CFAP20DC: variants seen among roughly 807,000 people sequenced by gnomAD.
CFAP20DC encodes CFAP20 domain containing.
CFAP20DC carries 84 observed loss-of-function variants against 101.7 expected under a neutral mutation model. That is an observed-to-expected ratio of 0.83 (90% CI 0.69 to 0.99). The LOEUF is 0.99. Ranked by LOEUF, CFAP20DC falls within the 50% of genes least tolerant of loss-of-function variation. The pLI is 0.00. For synonymous variants in CFAP20DC, 359 were observed against 351.2 expected, an observed-to-expected ratio of 1.02 and a Z score of -0.25; for missense variants, 1,007 against 970.3, an observed-to-expected ratio of 1.04 and a Z score of -0.50.
chr3:58,773,569 T>A (rs1304772495), intron 15 of CFAP20DC, among the ~76,000 whole-genome samples: 3 of 151,952 alleles, frequency 2.0e-5, no homozygotes, highest in Non-Finnish European at 4.4e-5. Context: ...AATAAATAAA[T>A]TTTTAAAAAA....
At chr3:58,821,167 G>C (rs1052263082) in intron 14 of CFAP20DC, among the ~76,000 whole-genome samples, 3 of 151,908 alleles carry the variant, frequency 2.0e-5, no homozygotes, top group African/African-American at 7.3e-5. Context: ...AGATTTAAAC[G>C]TTAGACCTAA....
At chr3:58,907,807 A>T (rs1436210886) in intron 6 of CFAP20DC, among the ~76,000 whole-genome samples, 2 of 152,188 alleles carry the variant, frequency 1.3e-5, no homozygotes, top group Non-Finnish European at 1.5e-5. Flanking sequence ...AAGCATAAAG[A>T]TAGGGTGCGT....
At chr3:58,801,437 G>A (rs903053190) in intron 15 of CFAP20DC, among the ~76,000 whole-genome samples, 2 of 152,078 alleles carry the variant, frequency 1.3e-5, no homozygotes, top group Non-Finnish European at 2.9e-5. Flanking sequence ...GTTTGAAGGA[G>A]GACTATTTGT....
intron 4 of CFAP20DC, among the ~76,000 whole-genome samples, chr3:58,982,618 A>G (rs550105601): frequency 8.2e-4 from 123 of 149,636 alleles, no homozygotes; most frequent in Middle Eastern, 3.4e-3. Flanking sequence ...AAAAAAAACA[A>G]ACACCGCATG....
At position 58,780,005 on chromosome 3, in the gene CFAP20DC, C is replaced by T. The variant is rs117192999; in HGVS notation, c.2238-26142G>A. Reference sequence around the variant, plus strand: ...TATAAGGGAACCCCTATCAGACTAACAGTGGATTTCTCAGCAGAAACTTTA... The same window carrying T: ...TATAAGGGAACCCCTATCAGACTAATAGTGGATTTCTCAGCAGAAACTTTA... On this transcript the variant is annotated intron_variant, in intron 15 of 16. Coordinates refer to ENST00000482387, the MANE Select transcript of CFAP20DC (RefSeq NM_001394063.1). Among the ~76,000 whole-genome samples, 1,466 of 152,202 alleles carry T rather than the reference C, an allele frequency of 9.6e-3. 38 individuals carry two copies. In the East Asian group the frequency reaches 0.1, roughly 10 times the overall value.
At chr3:58,918,698 T>C (rs1306236783) in intron 5 of CFAP20DC, among the ~76,000 whole-genome samples, 4 of 152,108 alleles carry the variant, frequency 2.6e-5, no homozygotes, top group Admixed American at 2.0e-4. Context: ...CTTTGAAATA[T>C]ATTCTTCCCA....
rs1169320680 is a variant in CFAP20DC at position 58,914,100 on chromosome 3, A to C, written c.394-236T>G. 6.6e-6 allele frequency among the ~76,000 whole-genome samples: 1 copy of C among 152,180 alleles called. No individual in the cohort carries two copies. The highest frequency in any genetic ancestry group is 1.5e-5 in the Non-Finnish European group (1 of 68,030). On this transcript the variant is annotated intron_variant, in intron 5 of 16. Coordinates refer to ENST00000482387, the MANE Select transcript of CFAP20DC (RefSeq NM_001394063.1). The surrounding 1 kb of genome is among the most constrained non-coding windows in gnomAD (Gnocchi z 4.9). ...TTGGTCATCTGACTACAGAATTCCC[A>C]TCATGAGACAAGACTATGACAACTT...
rs1422393028 is a variant in CFAP20DC, at chr3:58,721,311, G to A, written c.198-3683C>T. Among the ~76,000 whole-genome samples, 1 of 152,152 alleles carries A rather than the reference G, an allele frequency of 6.6e-6. No homozygotes were observed. The highest frequency in any genetic ancestry group is 1.5e-5 in the Non-Finnish European group (1 of 68,014). On this transcript the variant is annotated intron_variant, in intron 3 of 3. Coordinates refer to the CFAP20DC transcript ENST00000486145. This position sits in a 1 kb window ranked among gnomAD's most constrained non-coding sequence, Gnocchi z 5.2. ...ACTTCTGGGTGCATGTGTTGGGGCA[G>A]GGGTTATCAATGGTCACCAAAATCA...
chr3:58,792,697 T>A (rs565860243), intron 15 of CFAP20DC, among the ~76,000 whole-genome samples: 3 of 151,696 alleles, frequency 2.0e-5, no homozygotes, highest in African/African-American at 7.3e-5. Context: ...TTATCTAGTA[T>A]CTGTGACAAA....
chr3:58,884,730 T>A, intron 6 of CFAP20DC, 21 bp from the exon 7 acceptor site: 1 of 1,585,126 alleles, frequency 6.3e-7, no homozygotes, highest in Non-Finnish European at 8.6e-7. Context: ...AGACAAACAT[T>A]CATTTTCAAA....
intron 15 of CFAP20DC, among the ~76,000 whole-genome samples, chr3:58,798,959 C>A (rs933236150): frequency 6.6e-6 from 1 of 152,172 alleles, no homozygotes; most frequent in Non-Finnish European, 1.5e-5. Context: ...AGAATAGTAA[C>A]ATAACTTTTA....
intron 5 of CFAP20DC, among the ~76,000 whole-genome samples, chr3:58,915,355 T>G (rs1576289071): frequency 6.6e-6 from 1 of 152,056 alleles, no homozygotes. Context: ...GGGATGGAAG[T>G]GTTGGGGTTT....
At position 58,769,740 on chromosome 3, in the gene CFAP20DC, A is replaced by G. The variant is rs115705706; in HGVS notation, c.2238-15877T>C. On this transcript the variant is annotated intron_variant, in intron 15 of 16. Coordinates refer to ENST00000482387, the MANE Select transcript of CFAP20DC (RefSeq NM_001394063.1). ...TGTTTACATTATCGTGACATCTGGA[A>G]TAGGATCACATCTCTACCATAGCAA... Among the ~76,000 whole-genome samples, 1,124 of 152,312 alleles carry G rather than the reference A, an allele frequency of 7.4e-3. 13 individuals carry two copies. Among genetic ancestry groups the G allele is most frequent in the African/African-American group, 0.025 (1,049 of 41,576 alleles).
chr3:58,816,887 C>A (rs1042215630), intron 14 of CFAP20DC, among the ~76,000 whole-genome samples: 3 of 152,114 alleles, frequency 2.0e-5, no homozygotes, highest in Admixed American at 2.0e-4. Flanking sequence ...CTTAAGTGTC[C>A]CTGTCTGACA....
Position 58,897,098 on chromosome 3 carries a change from T to C in CFAP20DC, c.551-12389A>G, listed in dbSNP as rs2082727838. ...TTGGGTGCATATGTATTTAGGATTG[T>C]TAGCACTTCTTGAATTGAACCCTTT... On this transcript the variant is annotated intron_variant, in intron 6 of 16. Transcript: ENST00000482387. The surrounding 1 kb of genome is among the most constrained non-coding windows in gnomAD (Gnocchi z 4.4). Among the ~76,000 whole-genome samples, 1 of 152,226 alleles carries C rather than the reference T, an allele frequency of 6.6e-6. No homozygotes were observed. The highest frequency in any genetic ancestry group is 6.5e-5 in the Admixed American group (1 of 15,286).
rs1245046341 is a variant in CFAP20DC at position 58,894,476 on chromosome 3, T to A, written c.551-9767A>T. 6.6e-6 allele frequency among the ~76,000 whole-genome samples: 1 copy of A among 152,160 alleles called. No homozygotes were observed. The highest frequency in any genetic ancestry group is 1.5e-5 in the Non-Finnish European group (1 of 68,038). ...CAAATCTCAAAGCTCCAAAATGATC[T>A]CCTTTGACTCCATGTCTCACATTCA... is the stretch of plus-strand genomic sequence containing the variant. On this transcript the variant is annotated intron_variant, in intron 6 of 16. Coordinates refer to ENST00000482387, the MANE Select transcript of CFAP20DC (RefSeq NM_001394063.1). This position sits in a 1 kb window ranked among gnomAD's most constrained non-coding sequence, Gnocchi z 4.1.
chr3:58,861,410 T>A lies in CFAP20DC; in HGVS notation c.1593+2148A>T, dbSNP rs975784412. ...TAATAGTAAGGATGCCTTAATTAAC[T>A]AAACTGATTTTTCTTCAAAGACTAT... On this transcript the variant is annotated intron_variant, in intron 12 of 16. Transcript: ENST00000482387. This position sits in a 1 kb window ranked among gnomAD's most constrained non-coding sequence, Gnocchi z 4.0. The A allele has an allele frequency of 3.6e-6, 3 of 824,488 alleles. No individual in the cohort carries two copies. Among genetic ancestry groups the A allele is most frequent in the Middle Eastern group, 6.2e-4 (1 of 1,622 alleles). The allele number at this position is 824,488 out of a possible 1,614,324, so 51.1% of individuals were successfully genotyped here. A position where few individuals can be genotyped will look rare whatever the true frequency, so the allele number is the denominator to read the frequency against.
At chr3:58,735,324 G>T (rs1248144012) in intron 3 of CFAP20DC, among the ~76,000 whole-genome samples, 4 of 152,200 alleles carry the variant, frequency 2.6e-5, no homozygotes, top group African/African-American at 9.7e-5. Context: ...AGTGAAGAAA[G>T]CCAAACAAAA....
intron 13 of CFAP20DC, 67 bp downstream of exon 13, chr3:58,848,965 G>C (rs2077977818): frequency 6.9e-7 from 1 of 1,459,464 alleles, no homozygotes; most frequent in South Asian, 1.4e-5. Flanking sequence ...TAAAAACATG[G>C]GTGGAACAGA....
Sources: allele counts gnomAD v4.1 joint callset (sites outside exome capture counted in the v4.1 genomes callset), GRCh38; gene constraint gnomAD v4.1.1; non-coding constraint Gnocchi (gnomAD v3.1); transcripts MANE v1.5; gene names NCBI Gene and HGNC (gene_info 2026-07-23, HGNC 2026-07-21).